The following NTRK3 variants were observed in gnomAD, a reference collection of about 807,000 sequenced individuals.
NTRK3 encodes the protein neurotrophic receptor tyrosine kinase 3.
In NTRK3, 24 loss-of-function variants were observed where a neutral mutation model predicts 91.7. That is an observed-to-expected ratio of 0.26 (90% CI 0.19 to 0.37). The LOEUF is 0.37. Ranked by LOEUF, NTRK3 falls within the 10% of genes least tolerant of loss-of-function variation. The pLI, the probability that NTRK3 is intolerant of heterozygous loss-of-function variation, is 1.00. For missense variants in NTRK3, 880 were observed against 1,068.9 expected, an observed-to-expected ratio of 0.82 and a Z score of 2.46; for synonymous variants, 483 against 404.0, an observed-to-expected ratio of 1.20 and a Z score of -2.34.
rs36088298 is a variant in NTRK3, at chr15:87,863,524, C to CTTT, written c.*13408_*13410dup. Reference sequence around the variant, plus strand: ...AGGCCTCAAAACATGTTCCAAAAGTCTTTTTTTTTTTTTGTATGTGTGTCA... The same window carrying CTTT: ...AGGCCTCAAAACATGTTCCAAAAGTCTTTTTTTTTTTTTTTTGTATGTGTGTCA... On this transcript the variant is annotated 3_prime_UTR_variant, in exon 19 of 19. Transcript: ENST00000394480. 7.7e-3 allele frequency: 1,493 copies of CTTT among 193,952 alleles called. 5 individuals carry two copies. Among genetic ancestry groups the CTTT allele is most frequent in the East Asian group, 0.011 (136 of 12,618 alleles). The allele number at this position is 193,952 out of a possible 1,614,324, so 12.0% of individuals were successfully genotyped here.
chr15:87,895,646 GGGAGATAATCA>G (rs1171287982), intron 17 of NTRK3, among the ~76,000 whole-genome samples: 2 of 152,034 alleles, frequency 1.3e-5, no homozygotes, highest in Non-Finnish European at 2.9e-5. Flanking sequence ...TTCCAGATCT[GGGAGATAATCA>G]GCTAAGAGCC....
intron 13 of NTRK3, among the ~76,000 whole-genome samples, chr15:88,074,956 C>T (rs1005819141): frequency 2.6e-5 from 4 of 152,200 alleles, no homozygotes; most frequent in Non-Finnish European, 4.4e-5. Flanking sequence ...CTTTCTACAT[C>T]TCCCGGCACC....
At chr15:87,878,760 G>A (rs1327028353) in intron 18 of NTRK3, among the ~76,000 whole-genome samples, 4 of 152,236 alleles carry the variant, frequency 2.6e-5, no homozygotes, top group African/African-American at 9.6e-5. Flanking sequence ...AGTCTTAGAA[G>A]AAACTGCAAA....
chr15:88,168,197 A>G (rs2045166383), intron 5 of NTRK3, among the ~76,000 whole-genome samples: 1 of 152,212 alleles, frequency 6.6e-6, no homozygotes, highest in African/African-American at 2.4e-5. Flanking sequence ...CAACCCCATG[A>G]CTGTGAAATC....
At chr15:88,142,321 C>G (rs1171190132) in intron 6 of NTRK3, among the ~76,000 whole-genome samples, 2 of 152,236 alleles carry the variant, frequency 1.3e-5, no homozygotes, top group African/African-American at 4.8e-5. Flanking sequence ...ACAGCAGCAG[C>G]TGCTGCAAGG....
intron 13 of NTRK3, among the ~76,000 whole-genome samples, chr15:88,109,396 C>T (rs2051076365): frequency 6.6e-6 from 1 of 152,202 alleles, no homozygotes; most frequent in African/African-American, 2.4e-5. Flanking sequence ...CCACCTAATA[C>T]CTGACATTAA....
intron 3 of NTRK3, among the ~76,000 whole-genome samples, chr15:88,201,995 C>T (rs2048341109): frequency 6.6e-6 from 1 of 150,872 alleles, no homozygotes; most frequent in Non-Finnish European, 1.5e-5. Flanking sequence ...GCCCTTCCAA[C>T]AGGTCTGGAT....
At chr15:88,044,342 G>A (rs2079951172) in intron 13 of NTRK3, among the ~76,000 whole-genome samples, 1 of 140,186 alleles carries the variant, frequency 7.1e-6, no homozygotes. Context: ...CTCACTGCAA[G>A]CTCTGCCTCC....
rs370223568 is a variant in NTRK3, at chr15:88,069,696, G to A, written c.1397-36651C>T. Among the ~76,000 whole-genome samples, 61 of 152,310 alleles carry A rather than the reference G, an allele frequency of 4.0e-4. No individual in the cohort carries two copies. The South Asian group carries it at 0.011, about 27-fold the overall frequency. On this transcript the variant is annotated intron_variant, in intron 13 of 18. Transcript: ENST00000394480. ...TATGAAGGAAATTGGCACAGAACAC[G>A]TAGGATTTTGCTTCCAAACTGCCAG...
intron 14 of NTRK3, among the ~76,000 whole-genome samples, chr15:88,025,914 G>A (rs1217446400): frequency 6.6e-6 from 1 of 152,180 alleles, no homozygotes; most frequent in Non-Finnish European, 1.5e-5. Context: ...AGCTGGGATT[G>A]AGCCATCGCA....
Position 88,151,979 on chromosome 15 carries a change from A to C in NTRK3, c.396-4576T>G, listed in dbSNP as rs2043420851. 2.6e-5 allele frequency among the ~76,000 whole-genome samples: 4 copies of C among 152,196 alleles called. No homozygotes were observed. In the South Asian group the frequency reaches 8.3e-4, roughly 32 times the overall value. ...GAGTGTTTTCTGTTGTAATGTACTG[A>C]ATTTCATTCCTTCAAAATTCGTTTT... On this transcript the variant is annotated intron_variant, in intron 5 of 18. Coordinates refer to ENST00000394480, the Ensembl canonical transcript of NTRK3.
chr15:87,958,884 C>CT (rs2071948881), intron 14 of NTRK3, among the ~76,000 whole-genome samples: 1 of 152,074 alleles, frequency 6.6e-6, no homozygotes, highest in Non-Finnish European at 1.5e-5. Flanking sequence ...GATGTTCCTC[C>CT]CCTGCTTCAA....
chr15:88,014,469 T>C (rs1260688606), intron 14 of NTRK3, among the ~76,000 whole-genome samples: 1 of 152,204 alleles, frequency 6.6e-6, no homozygotes, highest in Non-Finnish European at 1.5e-5. Flanking sequence ...TTAAAAAAAC[T>C]TCTATGTTCT....
intron 13 of NTRK3, among the ~76,000 whole-genome samples, chr15:88,053,115 A>C (rs528698421): frequency 6.6e-6 from 1 of 152,194 alleles, no homozygotes; most frequent in Non-Finnish European, 1.5e-5. Context: ...CCCTTGTTTG[A>C]TGGCAATAAC....
chr15:88,111,111 T>C (rs2051296607), intron 13 of NTRK3, among the ~76,000 whole-genome samples: 2 of 152,214 alleles, frequency 1.3e-5, no homozygotes, highest in Admixed American at 6.5e-5. Context: ...ATACAGATGA[T>C]GAGCGATGGG....
intron 14 of NTRK3, among the ~76,000 whole-genome samples, chr15:88,008,247 T>C (rs2076627246): frequency 6.6e-6 from 1 of 152,216 alleles, no homozygotes; most frequent in East Asian, 1.9e-4. Context: ...TGTTAGCTGG[T>C]AAATTTAAGG....
At chr15:88,111,131 C>T (rs1366390186) in intron 13 of NTRK3, among the ~76,000 whole-genome samples, 1 of 152,188 alleles carries the variant, frequency 6.6e-6, no homozygotes, top group Non-Finnish European at 1.5e-5. Flanking sequence ...GGTGGGGGTT[C>T]ACCCCGGGCA....
chr15:87,934,061 G>T (rs1276193756), intron 15 of NTRK3, among the ~76,000 whole-genome samples: 1 of 152,208 alleles, frequency 6.6e-6, no homozygotes, highest in Admixed American at 6.5e-5. Flanking sequence ...AGCACCAGAA[G>T]GGGACTACAA....
At chr15:87,984,479 A>G (rs1215382164) in intron 14 of NTRK3, among the ~76,000 whole-genome samples, 1 of 152,122 alleles carries the variant, frequency 6.6e-6, no homozygotes, top group Non-Finnish European at 1.5e-5. Flanking sequence ...TTCTCATGCC[A>G]TCGGATTCAA....
Sources: gnomAD v4.1 joint callset for allele counts (sites outside exome capture counted in the v4.1 genomes callset) on GRCh38, gnomAD v4.1.1 for gene constraint, MANE v1.5 for transcripts, NCBI Gene and HGNC (gene_info 2026-07-23, HGNC 2026-07-21) for gene names.